MGAT4C: variants seen among roughly 807,000 people sequenced by gnomAD.
MGAT4C encodes the protein MGAT4 family member C, also known as alpha-1,3-mannosyl-glycoprotein 4-beta-N-acetylglucosaminyltransferase C.
In MGAT4C, 19 loss-of-function variants were observed where a neutral mutation model predicts 40.1. The ratio of observed to expected loss-of-function variants is 0.47; its 90% CI spans 0.33 to 0.70. MGAT4C has a LOEUF of 0.70. MGAT4C is among the 30% of genes least tolerant of loss of function. MGAT4C has a pLI of 0.02. For synonymous variants in MGAT4C, 181 were observed against 187.1 expected, an observed-to-expected ratio of 0.97 and a Z score of 0.27; for missense variants, 491 against 563.2, an observed-to-expected ratio of 0.87 and a Z score of 1.30.
intron 1 of MGAT4C, among the ~76,000 whole-genome samples, chr12:86,056,868 T>A (rs946092485): frequency 6.6e-6 from 1 of 152,156 alleles, no homozygotes; most frequent in Middle Eastern, 3.2e-3. Context: ...GCATTCCTAT[T>A]TCTCCACATC....
intron 1 of MGAT4C, among the ~76,000 whole-genome samples, chr12:86,063,539 G>A (rs1478020872): frequency 6.6e-6 from 1 of 152,156 alleles, no homozygotes; most frequent in Non-Finnish European, 1.5e-5. Flanking sequence ...AATTTTAAAT[G>A]TAAATGGGCT....
At chr12:86,291,675 A>G (rs780110152) in intron 4 of MGAT4C, among the ~76,000 whole-genome samples, 98 of 152,318 alleles carry the variant, frequency 6.4e-4, no homozygotes, top group Middle Eastern at 6.8e-3. Context: ...GATTTTTAAC[A>G]TGCAGATTAC....
chr12:86,408,479 C>CTCTCTCTATATATATA (rs1267344319), intron 3 of MGAT4C, among the ~76,000 whole-genome samples: 9 of 63,342 alleles, frequency 1.4e-4, no homozygotes, highest in African/African-American at 6.3e-4. Context: ...CTCTCTCTCT[C>CTCTCTCTATATATATA]TATATATATA....
chr12:86,577,371 C>CT (rs1960605248), intron 2 of MGAT4C, among the ~76,000 whole-genome samples: 1 of 151,818 alleles, frequency 6.6e-6, no homozygotes, highest in Non-Finnish European at 1.5e-5. Flanking sequence ...AGTGGACATC[C>CT]TTGTCATGCT....
At chr12:86,815,965 C>T (rs1204484296) in intron 1 of MGAT4C, among the ~76,000 whole-genome samples, 1 of 151,754 alleles carries the variant, frequency 6.6e-6, no homozygotes, top group Admixed American at 6.6e-5. Flanking sequence ...CTCTTGTAAC[C>T]AAATACCACC....
intron 2 of MGAT4C, among the ~76,000 whole-genome samples, chr12:86,457,076 T>C (rs1314133187): frequency 6.6e-6 from 1 of 152,156 alleles, no homozygotes; most frequent in Admixed American, 6.5e-5. Context: ...AGTTATCCAG[T>C]TGAGAATCCA....
chr12:86,656,845 A>G (rs549138487), intron 2 of MGAT4C, among the ~76,000 whole-genome samples: 4 of 152,198 alleles, frequency 2.6e-5, no homozygotes, highest in East Asian at 3.9e-4. Flanking sequence ...TGACTTCCTC[A>G]TAAATAGAGC....
chr12:86,765,022 C>A (rs532560047), intron 1 of MGAT4C, among the ~76,000 whole-genome samples: 1 of 152,310 alleles, frequency 6.6e-6, no homozygotes, highest in South Asian at 2.1e-4. Context: ...CGGAGAATGA[C>A]TTTGACAAGT....
rs557349995 is a variant in MGAT4C, at chr12:86,141,826, G to A, written c.-56-92103C>T. Among the ~76,000 whole-genome samples, 32 of 152,064 alleles carry A rather than the reference G, an allele frequency of 2.1e-4. No individual in the cohort carries two copies. The Middle Eastern group carries it at 0.01, about 48-fold the overall frequency. ...TACAATTCAAGTGCAATTCATACCC[G>A]CTAAGACTATTTCTGGTGGCTTCAG... On this transcript the variant is annotated intron_variant, in intron 1 of 4. Transcript: ENST00000611864.
chr12:86,357,908 G>C (rs928976137), intron 3 of MGAT4C, among the ~76,000 whole-genome samples: 1 of 152,126 alleles, frequency 6.6e-6, no homozygotes, highest in Non-Finnish European at 1.5e-5. Context: ...ATATTCTTCA[G>C]GATATTATCC....
At chr12:86,792,358 G>A (rs926879950) in intron 1 of MGAT4C, among the ~76,000 whole-genome samples, 8 of 151,984 alleles carry the variant, frequency 5.3e-5, no homozygotes, top group African/African-American at 1.9e-4. Context: ...TGAGGCTGAG[G>A]GAAAGGTGAC....
At chr12:86,593,680 A>C (rs1961419553) in intron 2 of MGAT4C, among the ~76,000 whole-genome samples, 1 of 152,090 alleles carries the variant, frequency 6.6e-6, no homozygotes, top group Non-Finnish European at 1.5e-5. Context: ...AGTTTCCTAT[A>C]TTGATTTCTA....
chr12:86,576,140 G>A (rs1040325385), intron 2 of MGAT4C, among the ~76,000 whole-genome samples: 1 of 151,750 alleles, frequency 6.6e-6, no homozygotes, highest in Non-Finnish European at 1.5e-5. Flanking sequence ...TTTGAGAAAT[G>A]TCTATTCAAA....
intron 2 of MGAT4C, among the ~76,000 whole-genome samples, chr12:86,708,114 GC>G (rs1244217055): frequency 1.3e-4 from 20 of 152,338 alleles, no homozygotes; most frequent in African/African-American, 4.8e-4. Context: ...AGGCCCAGAG[GC>G]CTAGGAGGGA....
At chr12:86,315,701 G>A (rs959698241) in intron 4 of MGAT4C, among the ~76,000 whole-genome samples, 5 of 151,868 alleles carry the variant, frequency 3.3e-5, no homozygotes, top group African/African-American at 7.3e-5. Flanking sequence ...GCGAGACTCC[G>A]TTTCAAAGTA....
chr12:86,828,971 T>G (rs1024803154), intron 1 of MGAT4C, among the ~76,000 whole-genome samples: 1 of 151,604 alleles, frequency 6.6e-6, no homozygotes, highest in Non-Finnish European at 1.5e-5. Flanking sequence ...TTGACTTATA[T>G]GCTTAAAGAA....
intron 2 of MGAT4C, among the ~76,000 whole-genome samples, chr12:86,489,109 T>C (rs1958079943): frequency 6.6e-6 from 1 of 152,086 alleles, no homozygotes; most frequent in South Asian, 2.1e-4. Context: ...CTTGTGCCTA[T>C]AAAGACCCCA....
intron 1 of MGAT4C, among the ~76,000 whole-genome samples, chr12:86,076,533 C>T (rs1869752817): frequency 6.6e-6 from 1 of 152,104 alleles, no homozygotes; most frequent in Non-Finnish European, 1.5e-5. Context: ...TAAAGACATA[C>T]CGGAAACTGG....
intron 2 of MGAT4C, among the ~76,000 whole-genome samples, chr12:86,537,690 G>A (rs1247712316): frequency 1.3e-5 from 2 of 152,092 alleles, no homozygotes; most frequent in Non-Finnish European, 2.9e-5. Flanking sequence ...CCTCTAATTT[G>A]GGGACAATGA....
Sources: allele counts gnomAD v4.1 joint callset (sites outside exome capture counted in the v4.1 genomes callset), GRCh38; gene constraint gnomAD v4.1.1; transcripts MANE v1.5; gene names NCBI Gene and HGNC (gene_info 2026-07-23, HGNC 2026-07-21).